MAF: variants seen among roughly 807,000 people sequenced by gnomAD.
MAF encodes MAF bZIP transcription factor.
Under a neutral mutation model 22.0 loss-of-function variants are expected in MAF, and 10 were observed. The observed-to-expected ratio is 0.45, with a 90% CI of 0.28 to 0.77. The LOEUF (loss-of-function observed/expected upper bound fraction) is 0.77. MAF is among the 30% of genes least tolerant of loss of function. MAF has a pLI of 0.12. For missense variants in MAF, 544 were observed against 548.4 expected, an observed-to-expected ratio of 0.99 and a Z score of 0.08; for synonymous variants, 337 against 255.8, an observed-to-expected ratio of 1.32 and a Z score of -3.03.
At chr16:79,248,254 G>C in the MAF span, among the ~76,000 whole-genome samples, 4 of 151,730 alleles carry the variant, frequency 2.6e-5, no homozygotes, top group African/African-American at 9.7e-5. Context: ...AGAATTAAAT[G>C]ATCCTACCTG....
chr16:79,322,763 G>A, the MAF span, among the ~76,000 whole-genome samples: 1 of 152,072 alleles, frequency 6.6e-6, no homozygotes. Context: ...GCTCAGAGGT[G>A]AGAGGCCAGT....
At chr16:79,230,277 G>A in the MAF span, among the ~76,000 whole-genome samples, 4 of 152,192 alleles carry the variant, frequency 2.6e-5, no homozygotes, top group East Asian at 5.8e-4. Flanking sequence ...CCTTTCACCC[G>A]GCTAAGGCAG....
the MAF span, among the ~76,000 whole-genome samples, chr16:79,517,662 C>T: frequency 3.3e-5 from 5 of 149,702 alleles, no homozygotes; most frequent in Admixed American, 2.0e-4. Context: ...GCAATCTCTG[C>T]CTCCTGGGTT....
chr16:79,447,905 A>AAG, the MAF span, among the ~76,000 whole-genome samples: 1 of 85,808 alleles, frequency 1.2e-5, no homozygotes, highest in Non-Finnish European at 2.1e-5. Flanking sequence ...AAAAAAAAAA[A>AAG]AAAAGAAAAG....
chr16:79,371,072 C>T, the MAF span, among the ~76,000 whole-genome samples: 2 of 152,120 alleles, frequency 1.3e-5, no homozygotes, highest in African/African-American at 4.8e-5. Context: ...ACTGAAGTCA[C>T]TTAAGGGTAC....
chr16:79,558,599 G>A, the MAF span, among the ~76,000 whole-genome samples: 1 of 152,192 alleles, frequency 6.6e-6, no homozygotes. Flanking sequence ...AGGGGAGTAT[G>A]AGGATAGCTG....
At chr16:79,209,418 G>C in the MAF span, among the ~76,000 whole-genome samples, 2 of 152,266 alleles carry the variant, frequency 1.3e-5, no homozygotes, top group Non-Finnish European at 2.9e-5. Context: ...TTTCCCAAAC[G>C]GACTGCTTTG....
the MAF span, among the ~76,000 whole-genome samples, chr16:79,374,986 G>A: frequency 6.6e-6 from 1 of 152,154 alleles, no homozygotes; most frequent in African/African-American, 2.4e-5. Flanking sequence ...GTCCACACTT[G>A]TGAATAGAGT....
chr16:79,340,103 T>A, the MAF span, among the ~76,000 whole-genome samples: 1 of 152,140 alleles, frequency 6.6e-6, no homozygotes, highest in East Asian at 1.9e-4. Context: ...CGGGGAACTC[T>A]AGCCAAGTGC....
chr16:79,347,086 C>G, the MAF span, among the ~76,000 whole-genome samples: 2 of 152,152 alleles, frequency 1.3e-5, no homozygotes, highest in East Asian at 1.9e-4. Context: ...GGATCTGGCA[C>G]GCAGAGGGCT....
At chr16:79,409,102 G>A in the MAF span, among the ~76,000 whole-genome samples, 1 of 152,048 alleles carries the variant, frequency 6.6e-6, no homozygotes, top group South Asian at 2.1e-4. Context: ...GGCATTGGAA[G>A]GATGATCAAA....
At chr16:79,338,787 C>A in the MAF span, among the ~76,000 whole-genome samples, 2,370 of 152,288 alleles carry the variant, frequency 0.016, 42 homozygotes, top group Middle Eastern at 0.027. Context: ...CTTACCCCAT[C>A]CGAGCCTCAG....
the MAF span, among the ~76,000 whole-genome samples, chr16:79,270,030 T>A: frequency 1.3e-5 from 2 of 152,060 alleles, no homozygotes; most frequent in Admixed American, 6.6e-5. Context: ...ATGGGTTTTT[T>A]TGCAATCCTG....
the MAF span, among the ~76,000 whole-genome samples, chr16:79,273,222 G>C: frequency 3.9e-5 from 6 of 152,038 alleles, no homozygotes; most frequent in African/African-American, 1.4e-4. Flanking sequence ...CCCCAACCCC[G>C]GCTGAGACAC....
chr16:79,524,372 T>C, the MAF span, among the ~76,000 whole-genome samples: 1 of 152,234 alleles, frequency 6.6e-6, no homozygotes, highest in Non-Finnish European at 1.5e-5. Flanking sequence ...GGCTGGGTTT[T>C]GTAGATGGGG....
chr16:79,283,432 G>A, the MAF span, among the ~76,000 whole-genome samples: 3 of 152,190 alleles, frequency 2.0e-5, no homozygotes, highest in African/African-American at 2.4e-5. Context: ...CTAGAGCAGT[G>A]TAAGCATAAA....
chr16:79,394,262 T>C, the MAF span, among the ~76,000 whole-genome samples: 1 of 152,184 alleles, frequency 6.6e-6, no homozygotes, highest in Non-Finnish European at 1.5e-5. Flanking sequence ...TTCCTTTCCT[T>C]CTTGCGGCAG....
chr16:79,318,762 T>C, the MAF span, among the ~76,000 whole-genome samples: 4 of 152,318 alleles, frequency 2.6e-5, no homozygotes, highest in African/African-American at 4.8e-5. Flanking sequence ...TAAAACACTC[T>C]TAAGGCTACA....
intron 1 of MAF, among the ~76,000 whole-genome samples, chr16:79,586,124 G>T (rs76433979): frequency 0.02 from 3,102 of 152,238 alleles, 108 homozygotes; most frequent in African/African-American, 0.071. Context: ...CCAGAGGAGG[G>T]GTTGACGTGG....
Sources: gnomAD v4.1 joint callset for allele counts (sites outside exome capture counted in the v4.1 genomes callset) on GRCh38, gnomAD v4.1.1 for gene constraint, MANE v1.5 for transcripts, NCBI Gene and HGNC (gene_info 2026-07-23, HGNC 2026-07-21) for gene names.